JAM2: variants seen among roughly 807,000 people sequenced by gnomAD.
The protein encoded by JAM2 is junctional adhesion molecule B.
Under a neutral mutation model 42.0 loss-of-function variants are expected in JAM2, and 17 were observed. That is an observed-to-expected ratio of 0.40 (90% CI 0.28 to 0.61). The LOEUF is 0.61. Ranked by LOEUF, JAM2 falls within the 20% of genes least tolerant of loss-of-function variation. The probability of loss-of-function intolerance (pLI) is 0.37; values close to 1 mark genes in which losing one functional copy is unlikely to be tolerated. For synonymous variants in JAM2, 118 were observed against 128.6 expected, an observed-to-expected ratio of 0.92 and a Z score of 0.56; for missense variants, 319 against 358.3, an observed-to-expected ratio of 0.89 and a Z score of 0.89.
chr21:25,675,135 G>A (rs11911213), intron 1 of JAM2, among the ~76,000 whole-genome samples: 19,978 of 151,984 alleles, frequency 0.13, 1,616 homozygotes, highest in African/African-American at 0.21. Context: ...GGGCACAGGC[G>A]TCTCACATGG....
intron 1 of JAM2, among the ~76,000 whole-genome samples, chr21:25,672,124 T>C (rs2033376807): frequency 6.6e-6 from 1 of 152,088 alleles, no homozygotes; most frequent in Non-Finnish European, 1.5e-5. Context: ...TCTTTCTTTT[T>C]TTTTTTGTTG....
chr21:25,661,263 C>T (rs1192873886), intron 1 of JAM2, among the ~76,000 whole-genome samples: 1 of 152,026 alleles, frequency 6.6e-6, no homozygotes, highest in Non-Finnish European at 1.5e-5. Context: ...ACTAGCTGGA[C>T]TGGGCAACAT....
chr21:25,660,346 G>A (rs1454933873), intron 1 of JAM2, among the ~76,000 whole-genome samples: 2 of 152,112 alleles, frequency 1.3e-5, no homozygotes, highest in Non-Finnish European at 2.9e-5. Context: ...AACATCCTCA[G>A]TTTATAAAAA....
At chr21:25,704,397 G>A (rs1479936483) in intron 6 of JAM2, among the ~76,000 whole-genome samples, 1 of 152,040 alleles carries the variant, frequency 6.6e-6, no homozygotes, top group Admixed American at 6.6e-5. Flanking sequence ...TTAATATTTT[G>A]GAGGTATTTA....
chr21:25,642,646 T>A (rs908393885), intron 1 of JAM2, among the ~76,000 whole-genome samples: 2 of 152,220 alleles, frequency 1.3e-5, no homozygotes, highest in Non-Finnish European at 2.9e-5. Flanking sequence ...CCTGTTGATA[T>A]ATGGATATTT....
intron 1 of JAM2, among the ~76,000 whole-genome samples, chr21:25,647,661 T>A (rs1474382233): frequency 1.3e-5 from 2 of 152,054 alleles, no homozygotes; most frequent in African/African-American, 4.8e-5. Flanking sequence ...GAAATAAACT[T>A]CCAAACCAGT....
chr21:25,675,515 GGAGA>G (rs773908999), intron 1 of JAM2, among the ~76,000 whole-genome samples: 1 of 149,364 alleles, frequency 6.7e-6, no homozygotes, highest in Middle Eastern at 3.4e-3. Context: ...AAGAGAGAGA[GGAGA>G]GAGAGAGAAA....
intron 1 of JAM2, among the ~76,000 whole-genome samples, chr21:25,656,311 C>T (rs1206738357): frequency 6.6e-6 from 1 of 152,164 alleles, no homozygotes; most frequent in African/African-American, 2.4e-5. Context: ...AAAGAGAATA[C>T]CTGCAGATAT....
At chr21:25,658,426 G>T (rs2032996176) in intron 1 of JAM2, among the ~76,000 whole-genome samples, 1 of 152,150 alleles carries the variant, frequency 6.6e-6, no homozygotes, top group Non-Finnish European at 1.5e-5. Context: ...CTGTATTTAA[G>T]TGGTAAAATG....
At chr21:25,644,062 C>A (rs890713192) in intron 1 of JAM2, 7 of 152,206 alleles carry the variant, frequency 4.6e-5, no homozygotes, top group African/African-American at 1.7e-4. Context: ...GTATACCCCT[C>A]TTGCTAGACT....
At chr21:25,706,151 A>G in intron 7 of JAM2, 65 bp downstream of exon 7, 2 of 1,004,348 alleles carry the variant, frequency 2.0e-6, no homozygotes, top group Non-Finnish European at 1.6e-6. Context: ...TTTATGAGAT[A>G]CTGTTTCTCC....
At chr21:25,648,646 A>G (rs2032682737) in intron 1 of JAM2, among the ~76,000 whole-genome samples, 1 of 152,054 alleles carries the variant, frequency 6.6e-6, no homozygotes, top group Non-Finnish European at 1.5e-5. Flanking sequence ...CAACTCATCA[A>G]TTCCTCAAAG....
chr21:25,640,815 TTCTCTCTCTCTTTCTTTCTG>T (rs1272223480), intron 1 of JAM2, among the ~76,000 whole-genome samples: 2 of 151,416 alleles, frequency 1.3e-5, no homozygotes, highest in Non-Finnish European at 2.9e-5. Context: ...TCTTCTTTCT[TTCTCTCTCTCTTTCTTTCTG>T]TCTCTCTTTC....
At position 25,716,478 on chromosome 21, in the gene JAM2, C is replaced by T. The variant is rs1426603531; in HGVS notation, c.*1806C>T. The T allele has an allele frequency of 1.3e-5, 2 of 152,206 alleles. No individual in the cohort carries two copies. The highest frequency in any genetic ancestry group is 6.5e-5 in the Admixed American group (1 of 15,276). The allele number at this position is 152,206 out of a possible 1,614,324, so 9.4% of individuals were successfully genotyped here. On this transcript the variant is annotated 3_prime_UTR_variant, in exon 10 of 10. Coordinates refer to ENST00000480456, the MANE Select transcript of JAM2 (RefSeq NM_021219.4). ...ACATGCTATGTCTCTCACCAGATCC[C>T]TTCCTGGAGGTCGGGCTTCTGTAAC...
chr21:25,696,519 T>TG (rs2034039239), intron 4 of JAM2, among the ~76,000 whole-genome samples: 1 of 152,172 alleles, frequency 6.6e-6, no homozygotes, highest in Admixed American at 6.5e-5. Flanking sequence ...CAGAAAACCT[T>TG]GCAGCAGATC....
intron 2 of JAM2, 147 bp from the exon 3 acceptor site, chr21:25,689,719 G>A (rs2033833956): frequency 1.8e-6 from 1 of 570,760 alleles, no homozygotes; most frequent in South Asian, 2.0e-5. Context: ...CCAATTCATG[G>A]GACCTGTTGA....
chr21:25,701,069 T>C (rs543992469), intron 5 of JAM2, among the ~76,000 whole-genome samples: 11 of 152,356 alleles, frequency 7.2e-5, no homozygotes, highest in African/African-American at 2.6e-4. Context: ...GGTTCTTATG[T>C]GAGAAATGAA....
chr21:25,700,668 T>C (rs538422302), intron 5 of JAM2, among the ~76,000 whole-genome samples: 1 of 152,334 alleles, frequency 6.6e-6, no homozygotes, highest in South Asian at 2.1e-4. Context: ...CCAATTTTAA[T>C]GAATTTTGAA....
chr21:25,656,282 A>C (rs986393197), intron 1 of JAM2, among the ~76,000 whole-genome samples: 3 of 152,190 alleles, frequency 2.0e-5, no homozygotes, highest in Admixed American at 6.5e-5. Flanking sequence ...GTCCACCCCC[A>C]GGCTCCTTCT....
Sources: gnomAD v4.1 joint callset for allele counts (sites outside exome capture counted in the v4.1 genomes callset) on GRCh38, gnomAD v4.1.1 for gene constraint, MANE v1.5 for transcripts, NCBI Gene and HGNC (gene_info 2026-07-23, HGNC 2026-07-21) for gene names.